Variants in TDRD1 observed in about 807,000 individuals in gnomAD.
TDRD1 encodes the protein tudor domain containing 1.
A neutral mutation model predicts 140.6 loss-of-function variants in TDRD1; 37 were observed. The observed-to-expected ratio is 0.26, with a 90% CI of 0.20 to 0.35. TDRD1 has a LOEUF of 0.35. TDRD1 is among the 10% of genes least tolerant of loss of function. The probability of loss-of-function intolerance (pLI) is 1.00; values close to 1 mark genes in which losing one functional copy is unlikely to be tolerated. For synonymous variants in TDRD1, 506 were observed against 475.7 expected, an observed-to-expected ratio of 1.06 and a Z score of -0.83; for missense variants, 1,243 against 1,393.0, an observed-to-expected ratio of 0.89 and a Z score of 1.71.
At chr10:114,211,099 A>T in intron 13 of TDRD1, 132 bp downstream of exon 13, 1 of 681,204 alleles carries the variant, frequency 1.5e-6, no homozygotes, top group Non-Finnish European at 2.4e-6. Context: ...TATTAGAGTG[A>T]ACCAATCATG....
At chr10:114,196,833 CTTTTTTTTTTTTTT>C (rs36124319) in intron 3 of TDRD1, among the ~76,000 whole-genome samples, 37 of 48,352 alleles carry the variant, frequency 7.7e-4, no homozygotes, top group African/African-American at 2.5e-3. Flanking sequence ...TTCTAGCAGT[CTTTTTTTTTTTTTT>C]TTTTTTTTTT....
At chr10:114,180,273 A>G (rs146158342) in intron 1 of TDRD1, among the ~76,000 whole-genome samples, 1 of 152,162 alleles carries the variant, frequency 6.6e-6, no homozygotes, top group African/African-American at 2.4e-5. Context: ...TTCGTCTCTC[A>G]TTTAATTCTC....
At chr10:114,193,849 G>A (rs768218984) in intron 3 of TDRD1, among the ~76,000 whole-genome samples, 1 of 152,150 alleles carries the variant, frequency 6.6e-6, no homozygotes, top group Non-Finnish European at 1.5e-5. Context: ...TTTTGTAGAT[G>A]TTCTTTATCA....
At chr10:114,179,471 A>C (rs1258200985) in intron 1 of TDRD1, 55 bp downstream of exon 1, 1 of 148,096 alleles carries the variant, frequency 6.8e-6, no homozygotes, top group Non-Finnish European at 1.5e-5. Context: ...AGGGGAAGGG[A>C]GGGGGCTTCG....
intron 10 of TDRD1, among the ~76,000 whole-genome samples, chr10:114,205,217 GC>G (rs1286442081): frequency 6.6e-6 from 1 of 152,174 alleles, no homozygotes; most frequent in Non-Finnish European, 1.5e-5. Flanking sequence ...TTATATCAGT[GC>G]TTTTTCTTGG....
intron 3 of TDRD1, among the ~76,000 whole-genome samples, chr10:114,193,289 C>CTTTTTTTTTTTTTTTTTTTTTTTT (rs1170053036): frequency 2.4e-5 from 2 of 83,684 alleles, no homozygotes; most frequent in Non-Finnish European, 2.3e-5. Flanking sequence ...TTGCTGAAGT[C>CTTTTTTTTTTTTTTTTTTTTTTTT]TTTTTTTTTT....
At chr10:114,221,431 A>G in exon 20 of TDRD1, 1 of 1,613,756 alleles carries the variant, frequency 6.2e-7, no homozygotes, top group South Asian at 1.1e-5. Context: ...TGTATTAGAA[A>G]TCATAAGCCC....
intron 19 of TDRD1, 45 bp from the exon 20 acceptor site, chr10:114,221,311 AC>A (rs2036129723): frequency 6.3e-7 from 1 of 1,581,604 alleles, no homozygotes; most frequent in South Asian, 1.1e-5. Flanking sequence ...AAACAACAGT[AC>A]ATTTTTTTTA....
chr10:114,222,553 TTTC>T (rs1174675967), intron 20 of TDRD1, 31 bp from the exon 21 acceptor site: 1 of 1,401,886 alleles, frequency 7.1e-7, no homozygotes, highest in East Asian at 2.3e-5. Context: ...CACTGGAAAT[TTTC>T]TTCACAAAAG....
chr10:114,211,174 G>A (rs901647224), intron 13 of TDRD1, among the ~76,000 whole-genome samples: 3 of 152,182 alleles, frequency 2.0e-5, no homozygotes, highest in Admixed American at 1.3e-4. Context: ...AGGGCAGAGC[G>A]TCTGTGTGTC....
intron 16 of TDRD1, among the ~76,000 whole-genome samples, chr10:114,216,135 T>C (rs971613897): frequency 1.3e-5 from 2 of 152,234 alleles, no homozygotes; most frequent in East Asian, 1.9e-4. Flanking sequence ...GTAGTTAGCA[T>C]GTGATCGTGG....
chr10:114,225,688 T>A (rs1039202616), intron 21 of TDRD1, among the ~76,000 whole-genome samples: 1 of 151,978 alleles, frequency 6.6e-6, no homozygotes, highest in East Asian at 1.9e-4. Context: ...GGCAAGACTA[T>A]CTCTACCAAG....
intron 21 of TDRD1, among the ~76,000 whole-genome samples, chr10:114,223,805 G>C (rs2036284753): frequency 6.6e-6 from 1 of 152,120 alleles, no homozygotes; most frequent in Non-Finnish European, 1.5e-5. Context: ...CTGCATTAGT[G>C]CAAATTCCCT....
At chr10:114,215,214 G>A (rs888664139) in intron 16 of TDRD1, among the ~76,000 whole-genome samples, 7 of 152,130 alleles carry the variant, frequency 4.6e-5, no homozygotes, top group African/African-American at 1.4e-4. Context: ...TTTCCTTGCT[G>A]CATAGTGTTC....
At chr10:114,221,674 C>T (rs1163103686) in intron 20 of TDRD1, among the ~76,000 whole-genome samples, 198 bp downstream of exon 20, 1 of 152,164 alleles carries the variant, frequency 6.6e-6, no homozygotes, top group African/African-American at 2.4e-5. Context: ...ACAGTCAGCA[C>T]CTACCTGCCC....
chr10:114,214,490 AC>A (rs1456700088), intron 16 of TDRD1, among the ~76,000 whole-genome samples: 1 of 152,130 alleles, frequency 6.6e-6, no homozygotes, highest in African/African-American at 2.4e-5. Context: ...ATACCAGTGT[AC>A]TCCAGCCTGG....
Position 114,214,451 on chromosome 10 carries a change from A to T in TDRD1, c.2212+337A>T, listed in dbSNP as rs144731556. ...CTGAGGCAAGAGGATGACGAGGCCA[A>T]GAACTCAAGGGTGCGGTGAGGCTTG... On this transcript the variant is annotated intron_variant, in intron 16 of 25. Coordinates refer to ENST00000251864, the Ensembl canonical transcript of TDRD1. Among the ~76,000 whole-genome samples the T allele has an allele frequency of 7.8e-3, 1,181 of 152,320 alleles. 4 individuals carry two copies. The highest frequency in any genetic ancestry group is 0.012 in the Non-Finnish European group (828 of 68,022).
Position 114,214,009 on chromosome 10 carries a change from T to C in TDRD1, c.2107T>C (p.Leu703=), listed in dbSNP as rs779951421. Residue 703 remains leucine, a synonymous_variant, in exon 16 of 26, where the codon TTG becomes CTG. Transcript: ENST00000251864. ...GGGTGTGGAAGGAAAAGTAAATCCA[T>C]TGGAGTGGACATGGGTTGAACTTGG... The C allele has an allele frequency of 1.2e-5, 19 of 1,613,764 alleles. No homozygotes were observed. The Middle Eastern group carries it at 4.9e-4, about 42-fold the overall frequency.
At chr10:114,232,504 C>CT (rs140805425), downstream of TDRD1, among the ~76,000 whole-genome samples, 3,792 of 81,338 alleles carry the variant, frequency 0.047, 98 homozygotes, top group East Asian at 0.069. Context: ...ACTTGAAAGA[C>CT]TTTTTTTTTT....
Sources: gnomAD v4.1 joint callset for allele counts (sites outside exome capture counted in the v4.1 genomes callset) on GRCh38, gnomAD v4.1.1 for gene constraint, MANE v1.5 for transcripts, NCBI Gene and HGNC (gene_info 2026-07-23, HGNC 2026-07-21) for gene names.